The following NWD1 variants were observed in gnomAD, a reference collection of about 807,000 sequenced individuals.
NWD1 encodes NACHT domain- and WD repeat-containing protein 1.
In NWD1, 129 loss-of-function variants were observed where a neutral mutation model predicts 135.1. The ratio of observed to expected loss-of-function variants is 0.96; its 90% CI spans 0.83 to 1.11. The LOEUF is 1.11. Ranked by LOEUF, NWD1 falls within the 50% of genes least tolerant of loss-of-function variation. NWD1 has a pLI of 0.00. For missense variants in NWD1, 1,740 were observed against 1,851.3 expected (o/e 0.94, Z 1.10); for synonymous variants, 773 against 786.0 (o/e 0.98, Z 0.28).
intron 12 of NWD1, among the ~76,000 whole-genome samples, chr19:16,784,727 G>A (rs961274504): frequency 2.6e-5 from 4 of 151,806 alleles, no homozygotes; most frequent in East Asian, 1.9e-4. Context: ...TCAAGAGATC[G>A]AGACCATCCT....
intron 12 of NWD1, among the ~76,000 whole-genome samples, chr19:16,781,262 C>T (rs914450945): frequency 6.6e-6 from 1 of 152,086 alleles, no homozygotes; most frequent in African/African-American, 2.4e-5. Context: ...AGATGATTCC[C>T]ACAGTAGAGT....
intron 16 of NWD1, 61 bp from the exon 17 acceptor site, chr19:16,799,824 AT>A: frequency 4.7e-6 from 7 of 1,484,548 alleles, no homozygotes; most frequent in Non-Finnish European, 6.4e-6. Flanking sequence ...GCTGAAGCGT[AT>A]TTCTGAACTA....
At chr19:16,730,895 T>A (rs1158238067) in intron 2 of NWD1, among the ~76,000 whole-genome samples, 1 of 146,006 alleles carries the variant, frequency 6.8e-6, no homozygotes, top group Non-Finnish European at 1.5e-5. Flanking sequence ...GCGATTTTTT[T>A]TATTTTTCTT....
intron 1 of NWD1, among the ~76,000 whole-genome samples, chr19:16,722,795 T>C (rs1967187085): frequency 6.6e-6 from 1 of 151,730 alleles, no homozygotes; most frequent in Admixed American, 6.6e-5. Context: ...TCACGTGATA[T>C]TGGTTGACCT....
intron 6 of NWD1, 76 bp downstream of exon 6, chr19:16,750,487 C>A (rs551104474): frequency 5.1e-6 from 6 of 1,172,346 alleles, no homozygotes; most frequent in Non-Finnish European, 1.2e-6. Flanking sequence ...GGAGGTCTGG[C>A]TATGTCACCC....
chr19:16,782,427 C>T (rs1362461048), intron 12 of NWD1, among the ~76,000 whole-genome samples: 1 of 151,926 alleles, frequency 6.6e-6, no homozygotes, highest in African/African-American at 2.4e-5. Context: ...GTTTGCACCA[C>T]TGTATTCCAT....
chr19:16,728,884 C>A (rs1967438448), intron 2 of NWD1, among the ~76,000 whole-genome samples: 1 of 146,442 alleles, frequency 6.8e-6, no homozygotes. Flanking sequence ...GCGGAGCTTG[C>A]AGCGAGCCGA....
intron 15 of NWD1, 38 bp downstream of exon 15, chr19:16,794,591 A>G (rs1970359357): frequency 5.0e-6 from 7 of 1,387,478 alleles, no homozygotes; most frequent in Non-Finnish European, 5.1e-6. Context: ...TGAGGAAGCT[A>G]ATCAGGATCA....
At chr19:16,748,239 C>A (rs1460175532) in intron 5 of NWD1, among the ~76,000 whole-genome samples, 1 of 152,130 alleles carries the variant, frequency 6.6e-6, no homozygotes, top group Non-Finnish European at 1.5e-5. Flanking sequence ...CCACCTTGGC[C>A]TCCCAAAGTG....
chr19:16,807,754 TCAACTGCATGTCCCTGAG>T lies in NWD1; in HGVS notation c.3909_3926del (p.Asn1303_Ser1308del). The T allele has an allele frequency of 6.2e-7, 1 of 1,612,974 alleles. No homozygotes were observed. The highest frequency in any genetic ancestry group is 1.1e-5 in the South Asian group (1 of 91,050). ...CCCCCTCCCGAGGCCCGGAAAGCAA[TCAACTGCATGTCCCTGAG>T]CAAGTGCGAGGACCGCCTGGCCATC... On this transcript the variant is annotated inframe_deletion, in exon 18 of 19. Transcript: ENST00000524140.
chr19:16,738,748 T>TTA (rs569001780), intron 4 of NWD1, among the ~76,000 whole-genome samples: 132 of 140,360 alleles, frequency 9.4e-4, no homozygotes, highest in East Asian at 3.0e-3. Flanking sequence ...AATATATATA[T>TTA]TATATATATA....
At chr19:16,737,418 C>T (rs1017787213) in intron 4 of NWD1, among the ~76,000 whole-genome samples, 2 of 151,994 alleles carry the variant, frequency 1.3e-5, no homozygotes, top group Admixed American at 6.6e-5. Context: ...TGTGCCGCCA[C>T]AGTTGGCTAG....
At chr19:16,788,277 TAATAATAAA>T (rs1338119681) in intron 12 of NWD1, among the ~76,000 whole-genome samples, 4 of 128,010 alleles carry the variant, frequency 3.1e-5, no homozygotes, top group Non-Finnish European at 6.3e-5. Flanking sequence ...ATAATAATAA[TAATAATAAA>T]AGGCCAGGCA....
chr19:16,787,904 A>ATC (rs1970098571), intron 12 of NWD1, among the ~76,000 whole-genome samples: 39 of 121,052 alleles, frequency 3.2e-4, no homozygotes, highest in East Asian at 6.9e-4. Flanking sequence ...TAATAATAAT[A>ATC]ATCATCATCA....
intron 17 of NWD1, among the ~76,000 whole-genome samples, chr19:16,802,786 A>G (rs1332793207): frequency 2.0e-5 from 3 of 152,026 alleles, no homozygotes; most frequent in African/African-American, 7.2e-5. Context: ...GCATCATTTG[A>G]GGTCAGGTGT....
Position 16,790,646 on chromosome 19 carries a change from TA to T in NWD1, c.2941-701del, listed in dbSNP as rs1185799134. The stretch of plus-strand genomic sequence containing the variant: ...GAAAGTAACATTAAAAAAAAATAAA[TA>T]AATAAATAAATAAATAAATAAATAA... On this transcript the variant is annotated intron_variant, in intron 13 of 18. Transcript: ENST00000524140. Among the ~76,000 whole-genome samples, 56 of 118,490 alleles carry T rather than the reference TA, an allele frequency of 4.7e-4. 1 individual carries two copies. The highest frequency in any genetic ancestry group is 1.4e-3 in the East Asian group (7 of 5,104). The allele number at this position is 118,490 out of a possible 152,430, so 77.7% of individuals were successfully genotyped here.
intron 13 of NWD1, 62 bp from the exon 14 acceptor site, chr19:16,791,288 C>T: frequency 6.7e-7 from 1 of 1,483,856 alleles, no homozygotes; most frequent in South Asian, 1.2e-5. Context: ...GCATTTGACT[C>T]CGGGAAACTT....
intron 17 of NWD1, 124 bp from the exon 18 acceptor site, chr19:16,807,462 C>T: frequency 1.3e-6 from 1 of 743,994 alleles, no homozygotes; most frequent in South Asian, 2.1e-5. Context: ...TATTGCACTA[C>T]AGCCTGGGCA....
chr19:16,805,121 T>C (rs759446834), intron 17 of NWD1, among the ~76,000 whole-genome samples: 10 of 151,988 alleles, frequency 6.6e-5, no homozygotes, highest in Middle Eastern at 3.4e-3. Flanking sequence ...TGCAGTGGCG[T>C]GATCTCAGTT....
Sources: allele counts gnomAD v4.1 joint callset (sites outside exome capture counted in the v4.1 genomes callset), GRCh38; gene constraint gnomAD v4.1.1; transcripts MANE v1.5; gene names NCBI Gene and HGNC (gene_info 2026-07-23, HGNC 2026-07-21).